CACNA1C: variants seen among roughly 807,000 people sequenced by gnomAD.
CACNA1C encodes calcium voltage-gated channel subunit alpha1 C.
CACNA1C carries 30 observed loss-of-function variants against 229.0 expected under a neutral mutation model. The observed-to-expected ratio is 0.13, with a 90% CI of 0.10 to 0.18. The LOEUF is 0.18. CACNA1C is among the 10% of genes least tolerant of loss of function. CACNA1C has a pLI of 1.00. For synonymous variants in CACNA1C, 1,114 were observed against 1,132.5 expected (o/e 0.98, Z 0.33); for missense variants, 1,658 against 2,845.0 (o/e 0.58, Z 9.49).
intron 3 of CACNA1C, among the ~76,000 whole-genome samples, chr12:2,240,752 G>A (rs919676948): frequency 2.1e-5 from 3 of 139,816 alleles, no homozygotes; most frequent in Admixed American, 7.3e-5. Flanking sequence ...AGGTGGGCAC[G>A]CGTGGCCTCC....
intron 1 of CACNA1C, among the ~76,000 whole-genome samples, chr12:2,101,413 G>A (rs898749707): frequency 3.3e-5 from 5 of 152,232 alleles, no homozygotes; most frequent in Non-Finnish European, 5.9e-5. Context: ...CAAAGTGCAG[G>A]AGGCTCTAGG....
In CACNA1C at chr12:2,633,956, G is replaced by A. The variant is rs955002916; in HGVS notation, c.3829-341G>A. Reference sequence around the variant, plus strand: ...CTGCCCGGCGCTGCCGGGCTGGGGCGTGGAGCTGAGCAGAGGGAGTGGCGG... The same window carrying A: ...CTGCCCGGCGCTGCCGGGCTGGGGCATGGAGCTGAGCAGAGGGAGTGGCGG... On this transcript the variant is annotated intron_variant, in intron 29 of 46. Coordinates refer to ENST00000399655, the MANE Select transcript of CACNA1C (RefSeq NM_000719.7). The surrounding 1 kb of genome is among the most constrained non-coding windows in gnomAD (Gnocchi z 5.8). 3.3e-5 allele frequency among the ~76,000 whole-genome samples: 5 copies of A among 152,112 alleles called. No individual in the cohort carries two copies. The highest frequency in any genetic ancestry group is 5.9e-5 in the Non-Finnish European group (4 of 68,022).
At chr12:2,106,882 T>TG (rs762121452) in intron 1 of CACNA1C, among the ~76,000 whole-genome samples, 5,094 of 41,342 alleles carry the variant, frequency 0.12, 1,382 homozygotes, top group Non-Finnish European at 0.16. Context: ...CCACCTCAGC[T>TG]GGGCATCCTG....
chr12:2,597,587 A>G lies in CACNA1C; in HGVS notation c.2853+298A>G. On this transcript the variant is annotated intron_variant, in intron 21 of 46. Transcript: ENST00000399655. The surrounding 1 kb of genome is among the most constrained non-coding windows in gnomAD (Gnocchi z 4.3). ...ATCTTTTGTCTTTTCTGTTTCTTTC[A>G]CTCTCTCTTTTCTTTACTCCCAAGC... 1.1e-6 allele frequency: 1 copy of G among 898,888 alleles called. No individual in the cohort carries two copies. The highest frequency in any genetic ancestry group is 1.9e-5 in the Admixed American group (1 of 52,026). 55.7% of individuals were successfully genotyped at this position (898,888 alleles called of 1,614,324 possible). A position where few individuals can be genotyped will look rare whatever the true frequency, so the allele number is the denominator to read the frequency against.
At chr12:2,523,183 G>A (rs2099813226) in intron 9 of CACNA1C, among the ~76,000 whole-genome samples, 1 of 145,974 alleles carries the variant, frequency 6.9e-6, no homozygotes, top group Non-Finnish European at 1.5e-5. Context: ...GCATGGGTTT[G>A]ATTTTTTTTT....
intron 3 of CACNA1C, among the ~76,000 whole-genome samples, chr12:2,293,871 A>G (rs1378768066): frequency 1.3e-5 from 2 of 152,258 alleles, no homozygotes; most frequent in Non-Finnish European, 2.9e-5. Flanking sequence ...AGATAACAGC[A>G]GCTTCCAGTG....
At chr12:2,388,401 A>G (rs1017238666) in intron 3 of CACNA1C, among the ~76,000 whole-genome samples, 2 of 152,236 alleles carry the variant, frequency 1.3e-5, no homozygotes, top group African/African-American at 2.4e-5. Flanking sequence ...GTGTATACCA[A>G]TGTCAATCTT....
At chr12:2,603,921 A>G (rs531529908) in intron 22 of CACNA1C, 3 of 152,358 alleles carry the variant, frequency 2.0e-5, no homozygotes, top group Non-Finnish European at 2.9e-5. Context: ...CCATGTAGAA[A>G]TGTGATTGGA....
At position 2,044,777 on chromosome 12, in the gene CACNA1C, T is replaced by C. The variant is rs1453954961; in HGVS notation, c.140-70447T>C. ...TCTATTGAGGTGGCCTGGTCCCAAA[T>C]GTCATATCAAGGAAAGGGTTACCTG... On this transcript the variant is annotated intron_variant, in intron 1 of 46. Coordinates refer to the CACNA1C transcript ENST00000682462. Among the ~76,000 whole-genome samples the C allele has an allele frequency of 2.6e-5, 4 of 152,274 alleles. No homozygotes were observed. The South Asian group carries it at 6.2e-4, about 24-fold the overall frequency.
In CACNA1C at chr12:2,467,441, G is replaced by A. The variant is rs914368960; in HGVS notation, c.757+9735G>A. Reference sequence around the variant, plus strand: ...GATGGCAATGGTGAGGGAACCCTCAGGGCTGCTGATCTTTGCTGCCCCCAG... The same window carrying A: ...GATGGCAATGGTGAGGGAACCCTCAAGGCTGCTGATCTTTGCTGCCCCCAG... On this transcript the variant is annotated intron_variant, in intron 5 of 46. Coordinates refer to ENST00000399655, the MANE Select transcript of CACNA1C (RefSeq NM_000719.7). The surrounding 1 kb of genome is among the most constrained non-coding windows in gnomAD (Gnocchi z 4.6). 2.0e-5 allele frequency among the ~76,000 whole-genome samples: 3 copies of A among 152,140 alleles called. No homozygotes were observed. The highest frequency in any genetic ancestry group is 4.4e-5 in the Non-Finnish European group (3 of 68,006).
chr12:2,557,371 T>A (rs1487947623), intron 11 of CACNA1C, among the ~76,000 whole-genome samples: 1 of 152,186 alleles, frequency 6.6e-6, no homozygotes, highest in Non-Finnish European at 1.5e-5. Flanking sequence ...GGAAAGCACG[T>A]AGGATTATGA....
At position 2,125,005 on chromosome 12, in the gene CACNA1C, C is replaced by T. The variant is rs372714448; in HGVS notation, c.477+4575C>T. ...GAGAAGCTGTAGGTATGGCCCAGAGCACCTGCATCAGGGTGGAGTGGGAGG... is the reference window on the plus strand; with the variant it reads ...GAGAAGCTGTAGGTATGGCCCAGAGTACCTGCATCAGGGTGGAGTGGGAGG... On this transcript the variant is annotated intron_variant, in intron 3 of 46. Transcript: ENST00000399655. 5.3e-5 allele frequency among the ~76,000 whole-genome samples: 8 copies of T among 152,178 alleles called. No homozygotes were observed. In the East Asian group the frequency reaches 1.4e-3, roughly 26 times the overall value.
chr12:2,545,944 T>C (rs532047412), intron 9 of CACNA1C, among the ~76,000 whole-genome samples: 26 of 152,404 alleles, frequency 1.7e-4, no homozygotes, highest in Middle Eastern at 3.4e-3. Flanking sequence ...CAATGATTAG[T>C]GTCTTCATGC....
chr12:2,093,366 A>G (rs1387486197), intron 1 of CACNA1C, among the ~76,000 whole-genome samples: 2 of 152,170 alleles, frequency 1.3e-5, no homozygotes. Context: ...GTCCTATGCT[A>G]GGCATTGTGA....
intron 3 of CACNA1C, among the ~76,000 whole-genome samples, chr12:2,390,251 C>T (rs1567404816): frequency 6.6e-6 from 1 of 152,246 alleles, no homozygotes; most frequent in East Asian, 1.9e-4. Flanking sequence ...GACTTGGGAA[C>T]CCAGGTATGA....
intron 1 of CACNA1C, among the ~76,000 whole-genome samples, chr12:2,015,453 A>C (rs1184255217): frequency 6.6e-6 from 1 of 152,130 alleles, no homozygotes; most frequent in African/African-American, 2.4e-5. Context: ...GGGCAGGGAT[A>C]ATTTGTAGGC....
intron 3 of CACNA1C, among the ~76,000 whole-genome samples, chr12:2,304,786 C>T (rs2094880622): frequency 6.6e-6 from 1 of 152,174 alleles, no homozygotes; most frequent in Non-Finnish European, 1.5e-5. Context: ...CTCCTTGCAT[C>T]CAAATGCAAG....
intron 3 of CACNA1C, among the ~76,000 whole-genome samples, chr12:2,427,801 G>A (rs1241836449): frequency 6.6e-6 from 1 of 152,004 alleles, no homozygotes; most frequent in East Asian, 1.9e-4. Flanking sequence ...TGTATTTTTA[G>A]TAGAGACGGA....
At chr12:2,230,835 T>C (rs117433140) in intron 3 of CACNA1C, among the ~76,000 whole-genome samples, 1,670 of 152,280 alleles carry the variant, frequency 0.011, 18 homozygotes, top group Non-Finnish European at 0.019. Context: ...ACTCCTTTAA[T>C]CTTAAAGAAT....
Sources: allele counts gnomAD v4.1 joint callset (sites outside exome capture counted in the v4.1 genomes callset), GRCh38; gene constraint gnomAD v4.1.1; non-coding constraint Gnocchi (gnomAD v3.1); transcripts MANE v1.5; gene names NCBI Gene and HGNC (gene_info 2026-07-23, HGNC 2026-07-21).